OSBPL11: variants seen among roughly 807,000 people sequenced by gnomAD.
OSBPL11 encodes oxysterol binding protein like 11.
OSBPL11 carries 33 observed loss-of-function variants against 84.4 expected under a neutral mutation model. That is an observed-to-expected ratio of 0.39 (90% confidence interval 0.30 to 0.52). OSBPL11 has a LOEUF of 0.52. Among genes scored for constraint, OSBPL11 ranks in the 20% least tolerant of loss-of-function variants. The probability of loss-of-function intolerance (pLI) is 0.72; values close to 1 mark genes in which losing one functional copy is unlikely to be tolerated. For missense variants in OSBPL11, 736 were observed against 901.1 expected, an observed-to-expected ratio of 0.82 and a Z score of 2.35; for synonymous variants, 276 against 310.2, an observed-to-expected ratio of 0.89 and a Z score of 1.16.
chr3:125,572,273 C>T (rs1936254434), intron 5 of OSBPL11, among the ~76,000 whole-genome samples: 1 of 152,186 alleles, frequency 6.6e-6, no homozygotes, highest in Non-Finnish European at 1.5e-5. Flanking sequence ...AGCTAACTTG[C>T]TTTTTATTTT....
intron 4 of OSBPL11, among the ~76,000 whole-genome samples, chr3:125,578,400 C>T (rs1000691588): frequency 5.9e-5 from 9 of 151,952 alleles, no homozygotes; most frequent in South Asian, 4.1e-4. Flanking sequence ...CTAGTGGCTC[C>T]GGATTTTTTA....
intron 1 of OSBPL11, among the ~76,000 whole-genome samples, chr3:125,590,820 T>C (rs1383311768): frequency 3.3e-5 from 5 of 152,212 alleles, no homozygotes; most frequent in African/African-American, 7.2e-5. Flanking sequence ...TTATCAATAA[T>C]TATTCATTCC....
intron 7 of OSBPL11, 28 bp downstream of exon 7, chr3:125,563,670 T>C: frequency 6.2e-7 from 1 of 1,610,148 alleles, no homozygotes; most frequent in Non-Finnish European, 8.5e-7. Flanking sequence ...ATTTTTCACA[T>C]CAAAATCATA....
At chr3:125,533,074 A>G (rs965593062) in intron 11 of OSBPL11, among the ~76,000 whole-genome samples, 1 of 152,070 alleles carries the variant, frequency 6.6e-6, no homozygotes, top group African/African-American at 2.4e-5. Flanking sequence ...TTACGGTAGG[A>G]TGAAAATATT....
chr3:125,536,242 G>A (rs1016421483), intron 11 of OSBPL11, among the ~76,000 whole-genome samples: 4 of 151,884 alleles, frequency 2.6e-5, no homozygotes, highest in East Asian at 1.9e-4. Context: ...TTCAAAACTC[G>A]ACAACTGGTA....
chr3:125,586,577 A>G (rs909219179), intron 1 of OSBPL11, among the ~76,000 whole-genome samples: 1 of 151,622 alleles, frequency 6.6e-6, no homozygotes, highest in Admixed American at 6.6e-5. Context: ...CAGTGGTGCA[A>G]TCTTGGCTCA....
At position 125,552,354 on chromosome 3, in the gene OSBPL11, T is replaced by C; in HGVS notation, c.1481A>G (p.Gln494Arg). The C allele has an allele frequency of 1.9e-6, 3 of 1,614,114 alleles. No individual in the cohort carries two copies. Among genetic ancestry groups the C allele is most frequent in the Non-Finnish European group, 2.5e-6 (3 of 1,180,014 alleles). ...HAPLSGESLTQVGSDCYTVRF... is the reference protein window; with the variant it reads ...HAPLSGESLTRVGSDCYTVRF... ...GACTGTGTAACAGTCTGATCCCACC[T>C]GGGTCAAAGACTCCCCCGATAAAGG... The change falls in exon 9 of 13, where the codon CAG becomes CGG. Residue 494 changes from glutamine to arginine, a missense_variant. Coordinates refer to ENST00000296220, the MANE Select transcript of OSBPL11 (RefSeq NM_022776.5).
intron 4 of OSBPL11, among the ~76,000 whole-genome samples, chr3:125,576,758 A>C (rs953309373): frequency 1.3e-5 from 2 of 151,796 alleles, no homozygotes; most frequent in African/African-American, 2.4e-5. Context: ...ATCTTGGCTC[A>C]CTGCAACCTC....
At chr3:125,547,797 G>A (rs1935841727) in intron 9 of OSBPL11, among the ~76,000 whole-genome samples, 1 of 152,120 alleles carries the variant, frequency 6.6e-6, no homozygotes, top group East Asian at 1.9e-4. Flanking sequence ...ACTATGACAT[G>A]ACCTTTCCAT....
Position 125,531,984 on chromosome 3 carries a change from C to T in OSBPL11, c.2055G>A (p.Leu685=). The change falls in exon 12 of 13, where the codon CTG becomes CTA. Residue 685 remains leucine (L), a synonymous_variant. Coordinates refer to ENST00000296220, the MANE Select transcript of OSBPL11 (RefSeq NM_022776.5). ...RRLWKNVTDS[L]RESEIDKATE... is the part of the protein sequence containing the mutation. ...TGGCCTTATCAATTTCAGATTCTCT[C>T]AGCGAGTCTGTCACATTTTTCCACA... 3 of 1,610,204 alleles carry T rather than the reference C, an allele frequency of 1.9e-6. No individual in the cohort carries two copies. The highest frequency in any genetic ancestry group is 2.5e-6 in the Non-Finnish European group (3 of 1,179,104).
At chr3:125,585,574 G>A (rs924787969) in intron 1 of OSBPL11, among the ~76,000 whole-genome samples, 40 of 151,654 alleles carry the variant, frequency 2.6e-4, no homozygotes, top group Admixed American at 2.4e-3. Flanking sequence ...TATTGACATG[G>A]TTTATTTGGT....
intron 6 of OSBPL11, among the ~76,000 whole-genome samples, chr3:125,564,951 G>C (rs572165735): frequency 9.2e-5 from 14 of 152,114 alleles, no homozygotes; most frequent in African/African-American, 3.1e-4. Flanking sequence ...CACCATGCCC[G>C]GCCACAAATG....
At chr3:125,587,894 G>A (rs9815674) in intron 1 of OSBPL11, among the ~76,000 whole-genome samples, 3,316 of 152,220 alleles carry the variant, frequency 0.022, 114 homozygotes, top group African/African-American at 0.074. Context: ...AGCTGCAATC[G>A]TGCCATTGCA....
In OSBPL11 at chr3:125,593,174, G is replaced by A. The variant is rs184008537; in HGVS notation, c.164+1463C>T. ...GCGGCGCCCCACCCACAGCCCCATA[G>A]CAGGTCAGGACGAAGCGCCACGGAC... On this transcript the variant is annotated intron_variant, in intron 1 of 12. Coordinates refer to ENST00000296220, the MANE Select transcript of OSBPL11 (RefSeq NM_022776.5). 3.4e-3 allele frequency among the ~76,000 whole-genome samples: 515 copies of A among 152,270 alleles called. 2 individuals are homozygous for A. Among genetic ancestry groups the A allele is most frequent in the African/African-American group, 0.011 (472 of 41,544 alleles).
chr3:125,554,662 A>G (rs567425326), intron 8 of OSBPL11, among the ~76,000 whole-genome samples: 1 of 152,278 alleles, frequency 6.6e-6, no homozygotes, highest in African/African-American at 2.4e-5. Flanking sequence ...AAAAAATAAT[A>G]TCTTCAGAGA....
chr3:125,575,395 G>A (rs536814395), intron 5 of OSBPL11, among the ~76,000 whole-genome samples: 3 of 151,806 alleles, frequency 2.0e-5, no homozygotes, highest in East Asian at 1.9e-4. Flanking sequence ...TTTTTTGTTT[G>A]TTTTGTTTTG....
intron 7 of OSBPL11, among the ~76,000 whole-genome samples, chr3:125,562,623 C>A (rs569127308): frequency 3.9e-5 from 6 of 151,940 alleles, no homozygotes; most frequent in African/African-American, 1.4e-4. Flanking sequence ...AAAGAGATAA[C>A]CTAAGAAAAA....
intron 11 of OSBPL11, among the ~76,000 whole-genome samples, chr3:125,535,291 C>G (rs1580030599): frequency 6.6e-6 from 1 of 151,936 alleles, no homozygotes; most frequent in South Asian, 2.1e-4. Flanking sequence ...ACTGAAGAAA[C>G]AGAAAACCTT....
At chr3:125,552,805 T>C in intron 8 of OSBPL11, 126 bp from the exon 9 acceptor site, 1 of 1,159,332 alleles carries the variant, frequency 8.6e-7, no homozygotes, top group South Asian at 1.6e-5. Context: ...AAAGAAAAAG[T>C]ATTCAGTCAC....
Sources: allele counts gnomAD v4.1 joint callset (sites outside exome capture counted in the v4.1 genomes callset), GRCh38; gene constraint gnomAD v4.1.1; transcripts MANE v1.5; gene names NCBI Gene and HGNC (gene_info 2026-07-23, HGNC 2026-07-21).